Variants in VEPH1 observed in about 807,000 individuals in gnomAD.
VEPH1 encodes the protein ventricular zone expressed PH domain containing 1, also known as ventricular zone-expressed PH domain-containing protein homolog 1.
A neutral mutation model predicts 85.2 loss-of-function variants in VEPH1; 80 were observed. That is an observed-to-expected ratio of 0.94 (90% CI 0.78 to 1.13). VEPH1 has a LOEUF of 1.13. Among genes scored for constraint, VEPH1 ranks in the 50% most tolerant of loss-of-function variants. The pLI, the probability that VEPH1 is intolerant of heterozygous loss-of-function variation, is 0.00. For synonymous variants in VEPH1, 297 were observed against 348.0 expected, an observed-to-expected ratio of 0.85 and a Z score of 1.63; for missense variants, 955 against 980.5, an observed-to-expected ratio of 0.97 and a Z score of 0.35.
At chr3:157,327,786 T>A (rs1342604296) in intron 9 of VEPH1, among the ~76,000 whole-genome samples, 2 of 152,220 alleles carry the variant, frequency 1.3e-5, no homozygotes, top group Non-Finnish European at 2.9e-5. Flanking sequence ...TGCTTTATGT[T>A]ACTATTAAAG....
intron 10 of VEPH1, among the ~76,000 whole-genome samples, chr3:157,314,129 G>A (rs562420100): frequency 4.6e-5 from 7 of 151,726 alleles, no homozygotes; most frequent in African/African-American, 1.2e-4. Context: ...TCAGGAGATC[G>A]AGGCCATCCT....
intron 5 of VEPH1, among the ~76,000 whole-genome samples, chr3:157,421,192 G>A (rs1732306835): frequency 6.6e-6 from 1 of 152,212 alleles, no homozygotes. Flanking sequence ...ATATGTGGAT[G>A]TTGAAGCGAT....
chr3:157,265,277 C>T (rs1276737920), intron 13 of VEPH1, among the ~76,000 whole-genome samples: 1 of 152,226 alleles, frequency 6.6e-6, no homozygotes, highest in Non-Finnish European at 1.5e-5. Flanking sequence ...TCAAGACTTG[C>T]AGTCCCTCTG....
At chr3:157,281,996 T>G (rs1716190594) in intron 12 of VEPH1, among the ~76,000 whole-genome samples, 1 of 151,998 alleles carries the variant, frequency 6.6e-6, no homozygotes, top group Admixed American at 6.6e-5. Flanking sequence ...GCATCTAGAG[T>G]GGAAAAATAA....
chr3:157,394,724 A>C (rs557682101), intron 6 of VEPH1, among the ~76,000 whole-genome samples: 2 of 152,138 alleles, frequency 1.3e-5, no homozygotes, highest in African/African-American at 4.8e-5. Flanking sequence ...AGAACTTACT[A>C]TCTTGAGAGC....
intron 9 of VEPH1, among the ~76,000 whole-genome samples, chr3:157,335,764 A>G (rs1028931933): frequency 6.6e-6 from 1 of 152,162 alleles, no homozygotes; most frequent in Non-Finnish European, 1.5e-5. Context: ...CTGCTGGGAA[A>G]AAGATGGGAG....
intron 3 of VEPH1, among the ~76,000 whole-genome samples, chr3:157,461,612 A>G (rs1166017736): frequency 5.9e-5 from 9 of 152,230 alleles, no homozygotes; most frequent in African/African-American, 2.2e-4. Flanking sequence ...CCACCTTTAT[A>G]CATCAAATCT....
Position 157,413,989 on chromosome 3 carries a change from T to A in VEPH1, c.798A>T (p.Pro266=), listed in dbSNP as rs763945145. ...NILIEIAVYE[P]VALNSFLPML... ...TTGGAAGAAAACTGTTCAAAGCCAC[T>A]GGCTCATAGACTGCTATCTCTATGA... The change falls in exon 6 of 14, where the codon CCA becomes CCT. Residue 266 remains proline, a synonymous_variant. Coordinates refer to ENST00000362010, the MANE Select transcript of VEPH1 (RefSeq NM_001167912.2). 5.0e-6 allele frequency: 8 copies of A among 1,613,592 alleles called. No individual in the cohort carries two copies. The highest frequency in any genetic ancestry group is 6.8e-6 in the Non-Finnish European group (8 of 1,179,694).
intron 4 of VEPH1, chr3:157,436,717 C>T (rs535427384): frequency 2.1e-6 from 1 of 467,116 alleles, no homozygotes; most frequent in East Asian, 3.9e-5. Context: ...ACATTTCCCT[C>T]GCTCTCCCAC....
chr3:157,367,444 C>T (rs1409896719), intron 7 of VEPH1, among the ~76,000 whole-genome samples: 1 of 152,170 alleles, frequency 6.6e-6, no homozygotes, highest in African/African-American at 2.4e-5. Context: ...ACTTACCACA[C>T]AAGAAATTTT....
At chr3:157,351,083 C>G (rs1450232155) in intron 9 of VEPH1, among the ~76,000 whole-genome samples, 3 of 151,878 alleles carry the variant, frequency 2.0e-5, no homozygotes, top group Non-Finnish European at 4.4e-5. Flanking sequence ...CTTATTGCAG[C>G]ACTATTCACA....
intron 9 of VEPH1, among the ~76,000 whole-genome samples, chr3:157,332,087 C>T (rs1577359646): frequency 6.6e-6 from 1 of 152,210 alleles, no homozygotes; most frequent in African/African-American, 2.4e-5. Flanking sequence ...CTTGCGGCTA[C>T]TGCTGGCATA....
rs56800722 is a variant in VEPH1, at chr3:157,378,306, GTATA to G, written c.1127+2846_1127+2849del. On this transcript the variant is annotated intron_variant, in intron 7 of 13. Transcript: ENST00000362010. ...TCTATGAAAATGCTATTTTTGAATG[GTATA>G]TATATATATATATATATATATATAT... Among the ~76,000 whole-genome samples the G allele has an allele frequency of 4.4e-3, 416 of 94,226 alleles. 2 individuals carry two copies. Among genetic ancestry groups the G allele is most frequent in the Non-Finnish European group, 4.9e-3 (241 of 49,238 alleles). The allele number at this position is 94,226 out of a possible 152,430, so 61.8% of individuals were successfully genotyped here.
rs1735736286 is a variant in VEPH1, at chr3:157,460,247, C to G, written c.463G>C (p.Ala155Pro). Residue 155 changes from alanine (A) to proline (P), a missense_variant, in exon 4 of 14, where the codon GCT becomes CCT. Transcript: ENST00000362010. Reference sequence around the variant, plus strand: ...AGGAGATCTGCCTTGGTAATTGCAGCCAGAGACAGGTAGTTAGACATATTC... The same window carrying G: ...AGGAGATCTGCCTTGGTAATTGCAGGCAGAGACAGGTAGTTAGACATATTC... Reference protein sequence around the residue: ...CRNMSNYLSLAAITKADLLAD... With the variant: ...CRNMSNYLSLPAITKADLLAD... The G allele has an allele frequency of 1.2e-6, 2 of 1,613,970 alleles. No individual in the cohort carries two copies. Among genetic ancestry groups the G allele is most frequent in the African/African-American group, 1.3e-5 (1 of 74,874 alleles).
intron 6 of VEPH1, among the ~76,000 whole-genome samples, chr3:157,384,900 T>A (rs1036885705): frequency 6.6e-6 from 1 of 152,334 alleles, no homozygotes; most frequent in East Asian, 1.9e-4. Context: ...AGTCACCCCA[T>A]TGAGGGGTAG....
chr3:157,381,285 C>A lies in VEPH1; in HGVS notation c.998G>T (p.Ser333Ile), dbSNP rs1438744949. The A allele has an allele frequency of 6.2e-7, 1 of 1,614,166 alleles. No individual in the cohort carries two copies. Among genetic ancestry groups the A allele is most frequent in the Admixed American group, 1.7e-5 (1 of 60,008 alleles). The change falls in exon 7 of 14, where the codon AGC (serine) becomes ATC (isoleucine). Residue 333 changes from serine to isoleucine, a missense_variant. Transcript: ENST00000362010. ...FHHILLLEIK[S>I]ITDTFSSILG... ...GATTGAGGAGAAGGTGTCGGTGATGCTTTTAATCTCCAGCAGGAGAATATG... is the reference window on the plus strand; with the variant it reads ...GATTGAGGAGAAGGTGTCGGTGATGATTTTAATCTCCAGCAGGAGAATATG...
intron 4 of VEPH1, among the ~76,000 whole-genome samples, chr3:157,454,210 T>G (rs2109323765): frequency 6.6e-6 from 1 of 152,254 alleles, no homozygotes; most frequent in Non-Finnish European, 1.5e-5. Flanking sequence ...TTTTATGGGC[T>G]TTAAGCAAAT....
intron 9 of VEPH1, among the ~76,000 whole-genome samples, chr3:157,327,868 T>C (rs902822381): frequency 6.6e-6 from 1 of 152,176 alleles, no homozygotes; most frequent in East Asian, 1.9e-4. Flanking sequence ...TCACAAGCAA[T>C]GTTTCTGCCC....
intron 9 of VEPH1, among the ~76,000 whole-genome samples, chr3:157,343,547 C>A (rs1206332935): frequency 6.6e-6 from 1 of 152,150 alleles, no homozygotes; most frequent in Admixed American, 6.5e-5. Context: ...AGCCTACCAA[C>A]CAAAAAAAGT....
Sources: allele counts gnomAD v4.1 joint callset (sites outside exome capture counted in the v4.1 genomes callset), GRCh38; gene constraint gnomAD v4.1.1; transcripts MANE v1.5; gene names NCBI Gene and HGNC (gene_info 2026-07-23, HGNC 2026-07-21).